Variants in PDE1C observed in about 807,000 individuals in gnomAD.
PDE1C encodes dual specificity calcium/calmodulin-dependent 3',5'-cyclic nucleotide phosphodiesterase 1C.
PDE1C carries 62 observed loss-of-function variants against 93.1 expected under a neutral mutation model. The ratio of observed to expected loss-of-function variants is 0.67; its 90% CI spans 0.54 to 0.82. PDE1C has a LOEUF of 0.82. Among genes scored for constraint, PDE1C ranks in the 40% least tolerant of loss-of-function variants. The pLI, the probability that PDE1C is intolerant of heterozygous loss-of-function variation, is 0.00. For synonymous variants in PDE1C, 325 were observed against 310.1 expected (o/e 1.05, Z -0.50); for missense variants, 742 against 884.6 (o/e 0.84, Z 2.04).
At chr7:32,419,461 G>A (rs1785343369) in intron 1 of PDE1C, among the ~76,000 whole-genome samples, 2 of 152,230 alleles carry the variant, frequency 1.3e-5, no homozygotes, top group South Asian at 2.1e-4. Context: ...TCCCTCAGGA[G>A]AGTGAGCCCT....
intron 1 of PDE1C, among the ~76,000 whole-genome samples, chr7:32,369,202 A>G (rs551366979): frequency 2.8e-4 from 43 of 152,194 alleles, no homozygotes; most frequent in Non-Finnish European, 4.3e-4. Context: ...CAGAGGGAAA[A>G]CAACCTACAG....
intron 1 of PDE1C, among the ~76,000 whole-genome samples, chr7:32,246,153 G>A (rs1233990469): frequency 1.3e-5 from 2 of 151,850 alleles, no homozygotes; most frequent in East Asian, 3.9e-4. Flanking sequence ...ATTTTTAGTA[G>A]AAACAAGGTT....
intron 1 of PDE1C, among the ~76,000 whole-genome samples, chr7:32,425,636 T>C (rs1467664844): frequency 6.6e-6 from 1 of 152,088 alleles, no homozygotes; most frequent in Admixed American, 6.6e-5. Context: ...TAAATTGCAA[T>C]ATCCAAATCT....
intron 6 of PDE1C, among the ~76,000 whole-genome samples, chr7:31,872,078 A>T (rs1796013851): frequency 6.6e-6 from 1 of 152,150 alleles, no homozygotes; most frequent in Admixed American, 6.6e-5. Context: ...TTGCAGCAAC[A>T]TGGATAGAAT....
chr7:32,111,644 CA>C (rs1433557711), intron 3 of PDE1C, among the ~76,000 whole-genome samples: 18 of 152,110 alleles, frequency 1.2e-4, no homozygotes, highest in Admixed American at 2.6e-4. Flanking sequence ...ACCTCTGGAC[CA>C]TAGTCAGACA....
At chr7:32,306,756 G>A (rs556710034) in intron 1 of PDE1C, among the ~76,000 whole-genome samples, 24 of 152,336 alleles carry the variant, frequency 1.6e-4, no homozygotes, top group African/African-American at 5.8e-4. Flanking sequence ...GGAAACTGGG[G>A]AACATAGGGA....
Position 32,391,872 on chromosome 7 carries a change from A to G in PDE1C, c.310+35950T>C, listed in dbSNP as rs183396917. On this transcript the variant is annotated intron_variant, in intron 1 of 1. Transcript: ENST00000672256. ...GAGGAAAATGTATAGCTTTAAATGCATATATTAGAAAAAAGGAAAGGTCTC... is the reference window on the plus strand; with the variant it reads ...GAGGAAAATGTATAGCTTTAAATGCGTATATTAGAAAAAAGGAAAGGTCTC... Among the ~76,000 whole-genome samples, 549 of 152,160 alleles carry G rather than the reference A, an allele frequency of 3.6e-3. 5 individuals are homozygous for G. Among genetic ancestry groups the G allele is most frequent in the African/African-American group, 0.012 (506 of 41,530 alleles).
At chr7:32,321,342 A>G (rs75477578) in intron 1 of PDE1C, among the ~76,000 whole-genome samples, 1 of 152,240 alleles carries the variant, frequency 6.6e-6, no homozygotes, top group Non-Finnish European at 1.5e-5. Context: ...ATGACAATAA[A>G]TGTAGGAGGA....
intron 1 of PDE1C, among the ~76,000 whole-genome samples, chr7:32,370,665 A>G (rs1585129391): frequency 6.6e-6 from 1 of 152,078 alleles, no homozygotes; most frequent in Non-Finnish European, 1.5e-5. Context: ...GAGGGATAGC[A>G]TTAGGAGAAA....
rs74890428 is a variant in PDE1C at position 32,388,809 on chromosome 7, G to C, written c.310+39013C>G. Among the ~76,000 whole-genome samples the C allele has an allele frequency of 6.3e-3, 963 of 152,152 alleles. 15 individuals carry two copies. Among genetic ancestry groups the C allele is most frequent in the African/African-American group, 0.022 (918 of 41,516 alleles). On this transcript the variant is annotated intron_variant, in intron 1 of 1. Coordinates refer to the PDE1C transcript ENST00000672256. ...AGTAGAGATTTTGGCCTTGAATCTG[G>C]GTAGAATAGGACCCAAAAGGGGAGG...
intron 2 of PDE1C, among the ~76,000 whole-genome samples, chr7:31,947,232 C>T (rs1806740687): frequency 6.6e-6 from 1 of 152,114 alleles, no homozygotes; most frequent in African/African-American, 2.4e-5. Context: ...GGATTGGGTA[C>T]AAAGACTGAA....
intron 2 of PDE1C, among the ~76,000 whole-genome samples, chr7:32,036,435 A>C (rs575078535): frequency 9.8e-5 from 15 of 152,318 alleles, no homozygotes; most frequent in African/African-American, 3.6e-4. Context: ...ATGAAGAGCA[A>C]ATTAAACCCA....
At chr7:31,773,461 G>A (rs570192492) in intron 17 of PDE1C, among the ~76,000 whole-genome samples, 3 of 152,136 alleles carry the variant, frequency 2.0e-5, no homozygotes, top group South Asian at 2.1e-4. Context: ...GCAAGGCTAT[G>A]ACCTTGTCAG....
intron 2 of PDE1C, among the ~76,000 whole-genome samples, chr7:31,953,178 A>G (rs1450208574): frequency 6.6e-6 from 1 of 152,198 alleles, no homozygotes; most frequent in Non-Finnish European, 1.5e-5. Context: ...AATGTTTACT[A>G]ATTGTATCTT....
chr7:32,377,810 AC>A (rs1585132874), intron 1 of PDE1C, among the ~76,000 whole-genome samples: 1 of 152,166 alleles, frequency 6.6e-6, no homozygotes, highest in East Asian at 1.9e-4. Context: ...GCCCTCCGCC[AC>A]TATACTCTAT....
At chr7:31,814,081 TACACAC>T (rs141676874) in intron 15 of PDE1C, among the ~76,000 whole-genome samples, 5 of 149,430 alleles carry the variant, frequency 3.3e-5, no homozygotes, top group Non-Finnish European at 6.0e-5. Context: ...CATATATATG[TACACAC>T]ACACACACAC....
At chr7:32,396,167 A>G (rs1784836849) in intron 1 of PDE1C, among the ~76,000 whole-genome samples, 1 of 152,202 alleles carries the variant, frequency 6.6e-6, no homozygotes, top group African/African-American at 2.4e-5. Flanking sequence ...AAAACATACT[A>G]TTAAGCTTCC....
intron 16 of PDE1C, chr7:31,787,610 T>G (rs1784142180): frequency 6.6e-6 from 1 of 152,172 alleles, no homozygotes; most frequent in African/African-American, 2.4e-5. Context: ...GGTAGGACTA[T>G]CCCTATTGCT....
chr7:31,785,659 T>C (rs1160672911), intron 16 of PDE1C: 2 of 152,108 alleles, frequency 1.3e-5, no homozygotes, highest in African/African-American at 4.8e-5. Flanking sequence ...CAGCCAGCCT[T>C]TTTACAAATG....
Sources: gnomAD v4.1 joint callset for allele counts (sites outside exome capture counted in the v4.1 genomes callset) on GRCh38, gnomAD v4.1.1 for gene constraint, MANE v1.5 for transcripts, NCBI Gene and HGNC (gene_info 2026-07-23, HGNC 2026-07-21) for gene names.